TLN2: variants seen among roughly 807,000 people sequenced by gnomAD.
TLN2 encodes talin-2.
In TLN2, 118 loss-of-function variants were observed where a neutral mutation model predicts 294.7. The ratio of observed to expected loss-of-function variants is 0.40; its 90% CI spans 0.34 to 0.47. TLN2 has a LOEUF of 0.47. Ranked by LOEUF, TLN2 falls within the 20% of genes least tolerant of loss-of-function variation. TLN2 has a pLI of 0.84. For missense variants in TLN2, 3,083 were observed against 3,282.2 expected, an observed-to-expected ratio of 0.94 and a Z score of 1.48; for synonymous variants, 1,431 against 1,304.5, an observed-to-expected ratio of 1.10 and a Z score of -2.09.
Position 62,805,729 on chromosome 15 carries a change from A to G in TLN2, c.6607A>G (p.Ile2203Val). 1 of 1,614,110 alleles carries G rather than the reference A, an allele frequency of 6.2e-7. No individual in the cohort carries two copies. The highest frequency in any genetic ancestry group is 8.5e-7 in the Non-Finnish European group (1 of 1,180,004). Residue 2203 changes from isoleucine to valine, a missense_variant, in exon 51 of 59, where the codon ATT becomes GTT. By Grantham distance (29) the Ile-to-Val change is conservative. Coordinates refer to ENST00000636159, the MANE Select transcript of TLN2 (RefSeq NM_015059.3). ...GAACTCATGTAGACAGGAGGACGTGATTGCTACTGCCAACCTGAGCCGGAA... is the reference window on the plus strand; with the variant it reads ...GAACTCATGTAGACAGGAGGACGTGGTTGCTACTGCCAACCTGAGCCGGAA... ...AGNSCRQEDV[I>V]ATANLSRKAV... is the part of the protein sequence containing the mutation.
intron 1 of TLN2, among the ~76,000 whole-genome samples, chr15:62,561,714 G>C (rs370872635): frequency 1.3e-5 from 2 of 148,418 alleles, no homozygotes; most frequent in Non-Finnish European, 3.0e-5. Context: ...GTGCCTGATC[G>C]CCTGCTGCTG....
intron 1 of TLN2, among the ~76,000 whole-genome samples, chr15:62,588,540 G>GA (rs1477143891): frequency 1.3e-5 from 2 of 151,152 alleles, no homozygotes; most frequent in Admixed American, 1.3e-4. Flanking sequence ...GCTGAAGCAG[G>GA]AGAGTTGCTT....
At chr15:62,446,974 GTTA>G (rs779017985) in intron 1 of TLN2, among the ~76,000 whole-genome samples, 31,639 of 151,940 alleles carry the variant, frequency 0.21, 3,783 homozygotes, top group South Asian at 0.29. Context: ...TCTGCAAGAA[GTTA>G]ATAGGGCTTC....
chr15:62,480,707 T>C (rs1416486125), intron 1 of TLN2, among the ~76,000 whole-genome samples: 2 of 152,196 alleles, frequency 1.3e-5, no homozygotes, highest in Admixed American at 6.5e-5. Context: ...CTGCGTTGCA[T>C]GCCCTACGTT....
intron 2 of TLN2, among the ~76,000 whole-genome samples, chr15:62,606,350 C>G (rs2047447041): frequency 6.6e-6 from 1 of 152,016 alleles, no homozygotes; most frequent in South Asian, 2.1e-4. Context: ...CTCAGCCTCC[C>G]AAAGCGCTGG....
chr15:62,420,926 A>G (rs1595763702), intron 1 of TLN2, among the ~76,000 whole-genome samples: 1 of 152,174 alleles, frequency 6.6e-6, no homozygotes, highest in Non-Finnish European at 1.5e-5. Flanking sequence ...GATTAAGTAA[A>G]TTTACTGAGG....
chr15:62,705,786 G>T (rs952709939), intron 19 of TLN2, among the ~76,000 whole-genome samples: 2 of 152,230 alleles, frequency 1.3e-5, no homozygotes, highest in African/African-American at 4.8e-5. Flanking sequence ...TGGTAGACAA[G>T]TGCCAGTCAG....
At chr15:62,755,381 G>T in intron 36 of TLN2, 151 bp from the exon 37 acceptor site, 1 of 910,858 alleles carries the variant, frequency 1.1e-6, no homozygotes, top group Non-Finnish European at 1.6e-6. Flanking sequence ...CCTCTTTCTT[G>T]GAGTGACTTT....
chr15:62,833,381 G>A (rs1056563427), intron 54 of TLN2, 123 bp from the exon 55 acceptor site: 8 of 1,371,214 alleles, frequency 5.8e-6, no homozygotes, highest in African/African-American at 1.4e-5. Context: ...CATTTCAGGT[G>A]TGGTTTGTCA....
intron 43 of TLN2, among the ~76,000 whole-genome samples, chr15:62,780,603 T>G (rs1200834146): frequency 2.0e-5 from 3 of 152,216 alleles, no homozygotes; most frequent in Non-Finnish European, 2.9e-5. Context: ...GCATTTATAG[T>G]CAGGTGAGCA....
At chr15:62,669,213 A>T (rs2055098183) in intron 9 of TLN2, among the ~76,000 whole-genome samples, 1 of 152,216 alleles carries the variant, frequency 6.6e-6, no homozygotes. Context: ...CTTAGGAAGA[A>T]TGCAGTAGCT....
At chr15:62,411,429 ATGTGTGTGTGTGTGTG>A (rs71125998) in intron 1 of TLN2, among the ~76,000 whole-genome samples, 13 of 136,682 alleles carry the variant, frequency 9.5e-5, no homozygotes, top group Non-Finnish European at 1.7e-4. Flanking sequence ...TGAGTAATGG[ATGTGTGTGTGTGTGTG>A]TGTGTGTGTG....
chr15:62,803,406 A>G (rs1384862838), intron 50 of TLN2, among the ~76,000 whole-genome samples: 1 of 152,162 alleles, frequency 6.6e-6, no homozygotes, highest in African/African-American at 2.4e-5. Flanking sequence ...TTTCTACCCC[A>G]TCTCTTTTTC....
At chr15:62,596,169 G>T (rs2046490570) in intron 2 of TLN2, among the ~76,000 whole-genome samples, 1 of 150,334 alleles carries the variant, frequency 6.7e-6, no homozygotes, top group South Asian at 2.1e-4. Context: ...GGAGGCTGAG[G>T]CAGGAGAATG....
chr15:62,711,045 G>A (rs766090012), intron 21 of TLN2, among the ~76,000 whole-genome samples: 6 of 151,900 alleles, frequency 3.9e-5, no homozygotes, highest in Non-Finnish European at 7.4e-5. Context: ...TCCTTTTACC[G>A]TCTCGGGATC....
chr15:62,638,745 A>G (rs538371931), intron 3 of TLN2: 1 of 404,976 alleles, frequency 2.5e-6, no homozygotes, highest in East Asian at 7.0e-5. Flanking sequence ...CATGCATTAA[A>G]TAAATATGTA....
intron 2 of TLN2, among the ~76,000 whole-genome samples, chr15:62,610,358 C>T (rs2047822584): frequency 3.3e-5 from 5 of 152,186 alleles, no homozygotes; most frequent in Admixed American, 3.3e-4. Flanking sequence ...AAATTTTTGT[C>T]AGCCAGTCAG....
intron 9 of TLN2, among the ~76,000 whole-genome samples, chr15:62,661,901 T>C (rs2053883951): frequency 6.6e-6 from 1 of 152,194 alleles, no homozygotes; most frequent in Admixed American, 6.5e-5. Flanking sequence ...AGGACTAATT[T>C]ATCAGGATAC....
chr15:62,560,311 G>A (rs919552900), intron 1 of TLN2, among the ~76,000 whole-genome samples: 1 of 152,058 alleles, frequency 6.6e-6, no homozygotes, highest in African/African-American at 2.4e-5. Context: ...CGGTATCTTG[G>A]CTCACTGCAA....
Sources: gnomAD v4.1 joint callset for allele counts (sites outside exome capture counted in the v4.1 genomes callset) on GRCh38, gnomAD v4.1.1 for gene constraint, MANE v1.5 for transcripts, NCBI Gene and HGNC (gene_info 2026-07-23, HGNC 2026-07-21) for gene names.